Variants in ABR observed in about 807,000 individuals in gnomAD.
ABR encodes ABR activator of RhoGEF and GTPase, also known as active breakpoint cluster region-related protein.
ABR carries 35 observed loss-of-function variants against 107.2 expected under a neutral mutation model. The ratio of observed to expected loss-of-function variants is 0.33; its 90% confidence interval spans 0.25 to 0.43. The LOEUF (loss-of-function observed/expected upper bound fraction) is 0.43, where lower values mean the gene tolerates loss of function less well. Ranked by LOEUF, ABR falls within the 20% of genes least tolerant of loss-of-function variation. The probability of loss-of-function intolerance (pLI) is 1.00; values close to 1 mark genes in which losing one functional copy is unlikely to be tolerated. For missense variants in ABR, 815 were observed against 1,115.2 expected, an observed-to-expected ratio of 0.73 and a Z score of 3.83; for synonymous variants, 498 against 462.0, an observed-to-expected ratio of 1.08 and a Z score of -1.00.
intron 1 of ABR, among the ~76,000 whole-genome samples, chr17:1,199,490 A>AT (rs1444565214): frequency 1.1e-5 from 1 of 93,600 alleles, no homozygotes; most frequent in Non-Finnish European, 2.7e-5. Context: ...CTGGTGGGAT[A>AT]TTTTTGGGGG....
intron 1 of ABR, among the ~76,000 whole-genome samples, chr17:1,193,840 G>A (rs1447733997): frequency 3.3e-5 from 5 of 151,998 alleles, no homozygotes; most frequent in African/African-American, 1.2e-4. Context: ...ACAGGCACCC[G>A]CCACCACGCC....
Position 1,058,015 on chromosome 17 carries a change from C to A in ABR, c.1336G>T (p.Glu446Ter), listed in dbSNP as rs1461888633. ...SYLFLLSSDYERSEWREAIQK... is the reference protein window; with the variant it reads ...SYLFLLSSDY ...ATTGCTTCTCTCCACTCTGACCTCT[C>A]GTAGTCCGAGGACAGTAGGAACAGG... The change falls in exon 12 of 23, where the codon GAG (glutamate) becomes TAG (stop). Residue 446 changes from glutamate (E) to a stop codon, truncating the protein, a stop_gained. Coordinates refer to ENST00000302538, the MANE Select transcript of ABR (RefSeq NM_021962.5). LOFTEE classifies it high-confidence loss of function. 1 of 1,613,708 alleles carries A rather than the reference C, an allele frequency of 6.2e-7. No homozygotes were observed.
chr17:1,029,034 T>C (rs1377009999), intron 16 of ABR, among the ~76,000 whole-genome samples: 2 of 148,048 alleles, frequency 1.4e-5, no homozygotes, highest in Non-Finnish European at 3.0e-5. Context: ...CAACCAAGAA[T>C]CTAGAAGAGG....
At chr17:1,146,851 CA>C (rs2040569893) in intron 1 of ABR, among the ~76,000 whole-genome samples, 1 of 65,822 alleles carries the variant, frequency 1.5e-5, no homozygotes, top group Admixed American at 1.4e-4. Context: ...ACCAGGCCAC[CA>C]CTGCCACCAC....
At chr17:1,023,022 C>T (rs2071822802) in intron 16 of ABR, among the ~76,000 whole-genome samples, 2 of 145,632 alleles carry the variant, frequency 1.4e-5, no homozygotes, top group African/African-American at 5.3e-5. Context: ...CTGCCGGCCC[C>T]ACGTCCACTG....
chr17:1,066,814 C>G (rs955862399), intron 10 of ABR, among the ~76,000 whole-genome samples: 1 of 152,162 alleles, frequency 6.6e-6, no homozygotes, highest in Non-Finnish European at 1.5e-5. Flanking sequence ...CAGGTGTGAG[C>G]CACTGCGCCT....
At chr17:1,170,009 G>GTGT (rs1254921733) in intron 1 of ABR, among the ~76,000 whole-genome samples, 7 of 128,846 alleles carry the variant, frequency 5.4e-5, no homozygotes, top group Admixed American at 1.6e-4. Flanking sequence ...TGTGTGTGTG[G>GTGT]GGGGGGGGTG....
intron 1 of ABR, among the ~76,000 whole-genome samples, chr17:1,213,668 G>A (rs753776766): frequency 6.6e-5 from 10 of 152,134 alleles, no homozygotes; most frequent in Non-Finnish European, 1.0e-4. Context: ...TGGGATTACA[G>A]GCGTGAGGCA....
intron 10 of ABR, among the ~76,000 whole-genome samples, chr17:1,064,803 T>G (rs1342256789): frequency 8.3e-6 from 1 of 120,782 alleles, no homozygotes; most frequent in African/African-American, 3.2e-5. Context: ...ACTGTTGTTA[T>G]GTGAACTGAG....
At chr17:1,058,976 T>A in intron 10 of ABR, 109 bp from the exon 11 acceptor site, 1 of 1,477,506 alleles carries the variant, frequency 6.8e-7, no homozygotes, top group Non-Finnish European at 9.1e-7. Context: ...ACATTTTCCG[T>A]ATTTCGTGAT....
chr17:1,194,531 G>A lies in ABR; in HGVS notation c.838+34262C>T, dbSNP rs1007928094. ...TTTTAGAGACAAGTCTCACTCTATCGCCCAGACTGGAGTGTAGTGGTGCAA... is the reference window on the plus strand; with the variant it reads ...TTTTAGAGACAAGTCTCACTCTATCACCCAGACTGGAGTGTAGTGGTGCAA... On this transcript the variant is annotated intron_variant, in intron 1 of 22. Transcript: ENST00000574139. Among the ~76,000 whole-genome samples the A allele has an allele frequency of 1.8e-5, 2 of 112,734 alleles. 1 individual carries two copies. Among genetic ancestry groups the A allele is most frequent in the Non-Finnish European group, 3.8e-5 (2 of 52,496 alleles). 74.0% of individuals were successfully genotyped at this position (112,734 alleles called of 152,430 possible).
Position 1,203,436 on chromosome 17 carries a change from A to AGCCTGCGGGGGCGGAGCCTGCGGGGG in ABR, c.838+25356_838+25357insCCCCCGCAGGCTCCGCCCCCGCAGGC, listed in dbSNP as rs1169818299. On this transcript the variant is annotated intron_variant, in intron 1 of 22. Coordinates refer to the ABR transcript ENST00000574139. ...GTCTGCGGGGGCGGGGCCCGCGGGG[A>AGCCTGCGGGGGCGGAGCCTGCGGGGG]CGGAGTCTGCGGGGGCGGGGCCCGC... is the stretch of plus-strand genomic sequence containing the variant. 9.2e-5 allele frequency among the ~76,000 whole-genome samples: 2 copies of AGCCTGCGGGGGCGGAGCCTGCGGGGG among 21,624 alleles called. 1 individual carries two copies. The highest frequency in any genetic ancestry group is 1.9e-4 in the Non-Finnish European group (2 of 10,724). 14.2% of individuals were successfully genotyped at this position (21,624 alleles called of 152,430 possible).
Position 1,083,567 on chromosome 17 carries a change from C to T in ABR, c.592G>A (p.Ala198Thr), listed in dbSNP as rs1293195949. 1 of 1,613,206 alleles carries T rather than the reference C, an allele frequency of 6.2e-7. No homozygotes were observed. Among genetic ancestry groups the T allele is most frequent in the Admixed American group, 1.7e-5 (1 of 59,938 alleles). Reference protein sequence around the residue: ...VDNYKVALETAEKCSQSNNQF... With the variant: ...VDNYKVALETTEKCSQSNNQF... ...TTGTTGGACTGGCTGCACTTCTCAG[C>T]TGTCTCCAGAGCGACTTTATAGTTA... Residue 198 changes from alanine (A) to threonine (T), a missense_variant, in exon 5 of 23, where the codon GCT becomes ACT. By Grantham distance (58) the Ala-to-Thr change is moderately conservative (BLOSUM62 0). Around this residue, in one of 5 missense-constraint regions of ABR, gnomAD observed 385 missense variants for 596.9 expected, o/e 0.64. Transcript: ENST00000302538.
At chr17:1,109,678 C>T (rs1405055963) in intron 2 of ABR, among the ~76,000 whole-genome samples, 1 of 151,922 alleles carries the variant, frequency 6.6e-6, no homozygotes, top group South Asian at 2.1e-4. Context: ...AGCCCCCTTC[C>T]GGAGGGGAGG....
intron 1 of ABR, among the ~76,000 whole-genome samples, chr17:1,132,109 A>C (rs896155874): frequency 1.3e-4 from 19 of 151,884 alleles, no homozygotes; most frequent in Admixed American, 1.1e-3. Context: ...TCCCATCACT[A>C]TGATGTGGGG....
chr17:1,050,637 G>A lies in ABR; in HGVS notation c.1562-3C>T. ...CACCTCCAGGGTACAGTACAGGTCT[G>A]TGGGGGAAGGACAGACGGAGATACT... On this transcript the variant is annotated splice_polypyrimidine_tract_variant and splice_region_variant and intron_variant, in intron 14 of 22. Transcript: ENST00000302538. The surrounding 1 kb of genome is among the most constrained non-coding windows in gnomAD (Gnocchi z 4.6). 1 of 1,613,164 alleles carries A rather than the reference G, an allele frequency of 6.2e-7. No individual in the cohort carries two copies. Among genetic ancestry groups the A allele is most frequent in the Non-Finnish European group, 8.5e-7 (1 of 1,179,360 alleles).
intron 21 of ABR, among the ~76,000 whole-genome samples, chr17:1,008,696 AGCG>A (rs992847084): frequency 5.3e-5 from 8 of 152,220 alleles, no homozygotes; most frequent in African/African-American, 7.2e-5. Context: ...GCTGAGCTGC[AGCG>A]GGGGGCCTGG....
chr17:1,105,774 G>A (rs923869973), intron 2 of ABR, among the ~76,000 whole-genome samples: 4 of 152,142 alleles, frequency 2.6e-5, no homozygotes, highest in African/African-American at 9.7e-5. Flanking sequence ...GCTGAGGTGG[G>A]AGGACTGATT....
intron 6 of ABR, among the ~76,000 whole-genome samples, chr17:1,077,031 T>C (rs1299655538): frequency 6.6e-6 from 1 of 152,188 alleles, no homozygotes; most frequent in Non-Finnish European, 1.5e-5. Flanking sequence ...TTGCTCTCAT[T>C]ATTTCCTGTG....
Sources: allele counts gnomAD v4.1 joint callset (sites outside exome capture counted in the v4.1 genomes callset), GRCh38; gene constraint gnomAD v4.1.1; regional missense constraint gnomAD v4.1.1; non-coding constraint Gnocchi (gnomAD v3.1); transcripts MANE v1.5; gene names NCBI Gene and HGNC (gene_info 2026-07-23, HGNC 2026-07-21).